SPAG1: variants seen among roughly 807,000 people sequenced by gnomAD.
SPAG1 encodes the protein sperm associated antigen 1, also known as sperm-associated antigen 1.
A neutral mutation model predicts 100.5 loss-of-function variants in SPAG1; 69 were observed. That is an observed-to-expected ratio of 0.69 (90% CI 0.57 to 0.84). The LOEUF (loss-of-function observed/expected upper bound fraction) is 0.84. Ranked by LOEUF, SPAG1 falls within the 40% of genes least tolerant of loss-of-function variation. The probability of loss-of-function intolerance (pLI) is 0.00; values close to 1 mark genes in which losing one functional copy is unlikely to be tolerated. For missense variants in SPAG1, 955 were observed against 1,133.1 expected, an observed-to-expected ratio of 0.84 and a Z score of 2.26; for synonymous variants, 336 against 411.6, an observed-to-expected ratio of 0.82 and a Z score of 2.22.
intron 10 of SPAG1, among the ~76,000 whole-genome samples, chr8:100,202,442 G>T (rs527789031): frequency 1.3e-5 from 2 of 151,856 alleles, no homozygotes; most frequent in Admixed American, 6.5e-5. Flanking sequence ...CGGGCGCGGT[G>T]GCTCATGCCT....
At chr8:100,207,720 G>A (rs558118806) in intron 10 of SPAG1, among the ~76,000 whole-genome samples, 35 of 152,262 alleles carry the variant, frequency 2.3e-4, no homozygotes, top group African/African-American at 8.2e-4. Flanking sequence ...TGCCTTATCC[G>A]CCATCATGTT....
At position 100,166,177 on chromosome 8, in the gene SPAG1, A is replaced by G. The variant is rs2935121; in HGVS notation, c.300+204A>G. Among the ~76,000 whole-genome samples, 58,374 of 152,112 alleles carry G rather than the reference A, an allele frequency of 0.38. 11,508 individuals are homozygous for G. Among genetic ancestry groups the G allele is most frequent in the East Asian group, 0.51 (2,660 of 5,182 alleles). On this transcript the variant is annotated intron_variant, in intron 3 of 18. Transcript: ENST00000388798. ...GTACATGTGTATATTTAAATTGATTAAATAATATTCTGTCCTATTAAAAAA... is the reference window on the plus strand; with the variant it reads ...GTACATGTGTATATTTAAATTGATTGAATAATATTCTGTCCTATTAAAAAA...
intron 14 of SPAG1, 44 bp from the exon 15 acceptor site, chr8:100,231,112 T>A: frequency 3.2e-6 from 5 of 1,560,526 alleles, no homozygotes; most frequent in Non-Finnish European, 3.5e-6. Flanking sequence ...TTTATAGAGG[T>A]GCTTGTACAG....
chr8:100,171,452 T>C (rs1235027170), intron 3 of SPAG1, among the ~76,000 whole-genome samples: 1 of 152,216 alleles, frequency 6.6e-6, no homozygotes, highest in African/African-American at 2.4e-5. Context: ...AATTCATTGT[T>C]GACACTGTAT....
chr8:100,188,737 A>G (rs1282356607), intron 8 of SPAG1, among the ~76,000 whole-genome samples: 3 of 152,224 alleles, frequency 2.0e-5, no homozygotes, highest in Admixed American at 2.0e-4. Context: ...ATAAATATAA[A>G]CACTTTTTTC....
At chr8:100,208,030 G>A (rs748920359) in intron 10 of SPAG1, among the ~76,000 whole-genome samples, 6 of 152,170 alleles carry the variant, frequency 3.9e-5, no homozygotes, top group Non-Finnish European at 7.3e-5. Context: ...ATCAAGGGGT[G>A]GAAGTGGAAG....
At chr8:100,210,746 A>T (rs887571904) in intron 10 of SPAG1, among the ~76,000 whole-genome samples, 2 of 151,588 alleles carry the variant, frequency 1.3e-5, no homozygotes, top group African/African-American at 2.4e-5. Context: ...GCTTCAAACT[A>T]GTGGCCTCAA....
intron 9 of SPAG1, among the ~76,000 whole-genome samples, chr8:100,193,707 AC>A (rs1421671194): frequency 3.3e-5 from 5 of 152,106 alleles, no homozygotes; most frequent in Admixed American, 2.6e-4. Flanking sequence ...GCTTGATCCC[AC>A]CGTTTGAGAC....
chr8:100,233,579 A>G, intron 16 of SPAG1, 42 bp downstream of exon 16: 1 of 1,539,320 alleles, frequency 6.5e-7, no homozygotes, highest in East Asian at 2.4e-5. Context: ...TCAGCTCTGA[A>G]CAAATCAAGT....
intron 14 of SPAG1, 26 bp downstream of exon 14, chr8:100,225,365 T>C: frequency 1.2e-6 from 2 of 1,606,284 alleles, no homozygotes; most frequent in Non-Finnish European, 8.5e-7. Context: ...ACTCATTTCT[T>C]CTCAAGGTTA....
chr8:100,191,737 T>C (rs1387350754), intron 9 of SPAG1, among the ~76,000 whole-genome samples: 1 of 152,220 alleles, frequency 6.6e-6, no homozygotes, highest in Non-Finnish European at 1.5e-5. Context: ...AATTTTTCTT[T>C]TTCCTATAGT....
chr8:100,187,587 T>C (rs1816639191), intron 8 of SPAG1, among the ~76,000 whole-genome samples: 2 of 152,112 alleles, frequency 1.3e-5, no homozygotes, highest in South Asian at 4.2e-4. Context: ...TCCCAAAATT[T>C]TGGGAGGCCG....
Position 100,199,438 on chromosome 8 carries a change from T to C in SPAG1, c.1096+5170T>C, listed in dbSNP as rs1817169937. Among the ~76,000 whole-genome samples, 3 of 152,192 alleles carry C rather than the reference T, an allele frequency of 2.0e-5. No homozygotes were observed. The South Asian group carries it at 6.2e-4, about 32-fold the overall frequency. The stretch of plus-strand genomic sequence containing the variant: ...TTGGAGAAATGTCTATTCAAGTTCT[T>C]TGCCTTTTTTTTGTTGTTGTTGTTG... On this transcript the variant is annotated intron_variant, in intron 10 of 18. Coordinates refer to ENST00000388798, the MANE Select transcript of SPAG1 (RefSeq NM_003114.5).
chr8:100,218,993 T>C (rs1406493576), intron 12 of SPAG1, among the ~76,000 whole-genome samples: 11 of 152,162 alleles, frequency 7.2e-5, no homozygotes, highest in Admixed American at 7.2e-4. Context: ...GGACAGGCAA[T>C]GCCAATTGCC....
chr8:100,230,898 G>C (rs1049429136), intron 14 of SPAG1, among the ~76,000 whole-genome samples: 1 of 152,000 alleles, frequency 6.6e-6, no homozygotes, highest in African/African-American at 2.4e-5. Context: ...TGAGATTACA[G>C]GTGTGAGCCA....
chr8:100,158,846 TTTC>T (rs1815182454), intron 1 of SPAG1: 2 of 152,108 alleles, frequency 1.3e-5, no homozygotes, highest in South Asian at 4.2e-4. Flanking sequence ...AATCCTTTTT[TTTC>T]AAAAAGGATT....
At chr8:100,210,661 G>A (rs1456134584) in intron 10 of SPAG1, among the ~76,000 whole-genome samples, 1 of 151,970 alleles carries the variant, frequency 6.6e-6, no homozygotes, top group Non-Finnish European at 1.5e-5. Flanking sequence ...ATGAGCCTTT[G>A]AGTGATCCCA....
At chr8:100,213,011 C>A (rs557009582) in intron 10 of SPAG1, 79 bp from the exon 11 acceptor site, 5 of 1,215,450 alleles carry the variant, frequency 4.1e-6, no homozygotes, top group Non-Finnish European at 5.3e-6. Flanking sequence ...GCGTCCTGCA[C>A]CCCCGCGGCC....
chr8:100,222,639 G>A (rs185382267), intron 13 of SPAG1, among the ~76,000 whole-genome samples: 2 of 152,204 alleles, frequency 1.3e-5, no homozygotes, highest in Admixed American at 1.3e-4. Flanking sequence ...TGGCAGAGAG[G>A]AGGGCCTGAT....
Sources: allele counts gnomAD v4.1 joint callset (sites outside exome capture counted in the v4.1 genomes callset), GRCh38; gene constraint gnomAD v4.1.1; transcripts MANE v1.5; gene names NCBI Gene and HGNC (gene_info 2026-07-23, HGNC 2026-07-21).